NOSTRIN: variants seen among roughly 807,000 people sequenced by gnomAD.
NOSTRIN encodes nitric oxide synthase trafficking.
Under a neutral mutation model 59.0 loss-of-function variants are expected in NOSTRIN, and 63 were observed. The observed-to-expected ratio is 1.07, with a 90% CI of 0.87 to 1.32. The LOEUF (loss-of-function observed/expected upper bound fraction) is 1.32. NOSTRIN is among the 40% of genes most tolerant of loss of function. The pLI, the probability that NOSTRIN is intolerant of heterozygous loss-of-function variation, is 0.00. For synonymous variants in NOSTRIN, 200 were observed against 165.4 expected (o/e 1.21, Z -1.61); for missense variants, 512 against 473.1 (o/e 1.08, Z -0.76).
At chr2:168,845,790 C>CTTCT (rs36186706) in intron 8 of NOSTRIN, among the ~76,000 whole-genome samples, 65,863 of 140,380 alleles carry the variant, frequency 0.47, 15,910 homozygotes, top group South Asian at 0.65. Flanking sequence ...TTTTTTCTTC[C>CTTCT]TTTTTTTTTT....
Position 168,861,957 on chromosome 2 carries a change from C to T in NOSTRIN, c.1295-3C>T. 6.2e-7 allele frequency: 1 copy of T among 1,613,950 alleles called. No individual in the cohort carries two copies. On this transcript the variant is annotated splice_polypyrimidine_tract_variant and splice_region_variant and intron_variant, in intron 14 of 15. Transcript: ENST00000317647. ...ATACTAATTACAGCTTTATCTATTT[C>T]AGCCCCTGGTGCAGCCCAGCTCAGC...
At chr2:168,804,356 C>T (rs996264772) in intron 1 of NOSTRIN, among the ~76,000 whole-genome samples, 6 of 152,110 alleles carry the variant, frequency 3.9e-5, no homozygotes, top group Admixed American at 1.3e-4. Flanking sequence ...CAAAAGTATC[C>T]GGGAGTCATG....
At chr2:168,801,279 T>C (rs1445971371), upstream of NOSTRIN, 1 of 149,512 alleles carries the variant, frequency 6.7e-6, no homozygotes, top group Non-Finnish European at 1.5e-5. Context: ...TTTTTAGAAG[T>C]AGAGTCTCAC....
At chr2:168,834,528 CA>C (rs2105671983) in intron 7 of NOSTRIN, among the ~76,000 whole-genome samples, 1 of 150,962 alleles carries the variant, frequency 6.6e-6, no homozygotes, top group East Asian at 1.9e-4. Flanking sequence ...CACACACACA[CA>C]CACACACACA....
intron 15 of NOSTRIN, 54 bp downstream of exon 15, chr2:168,862,103 A>C: frequency 3.3e-6 from 5 of 1,508,976 alleles, no homozygotes; most frequent in Non-Finnish European, 4.6e-6. Context: ...GATTCTTAGC[A>C]TGAATAAAAC....
chr2:168,789,021 G>A (rs1243835125), intron 2 of NOSTRIN, among the ~76,000 whole-genome samples: 2 of 152,090 alleles, frequency 1.3e-5, no homozygotes, highest in South Asian at 4.1e-4. Context: ...AGCACCCCAG[G>A]TCTTGGTTTC....
At chr2:168,863,976 T>A (rs1005666738) in intron 15 of NOSTRIN, among the ~76,000 whole-genome samples, 1 of 152,026 alleles carries the variant, frequency 6.6e-6, no homozygotes, top group Non-Finnish European at 1.5e-5. Context: ...AGTGGTGTGA[T>A]CTTAGCTCAC....
At chr2:168,793,564 T>A (rs905804462), upstream of NOSTRIN, among the ~76,000 whole-genome samples, 1 of 152,164 alleles carries the variant, frequency 6.6e-6, no homozygotes, top group African/African-American at 2.4e-5. Flanking sequence ...TGAGCCAAGA[T>A]CGTGTCACTG....
At chr2:168,826,524 T>A (rs1271413456) in intron 3 of NOSTRIN, among the ~76,000 whole-genome samples, 1 of 152,100 alleles carries the variant, frequency 6.6e-6, no homozygotes, top group Non-Finnish European at 1.5e-5. Flanking sequence ...GTTGACCAAG[T>A]TACTTCTACT....
At chr2:168,841,296 AT>A (rs1177222419) in intron 7 of NOSTRIN, among the ~76,000 whole-genome samples, 9 of 24,522 alleles carry the variant, frequency 3.7e-4, no homozygotes, top group Admixed American at 4.0e-4. Context: ...TGCTTTAAAT[AT>A]ATATATATAA....
At chr2:168,840,547 A>C (rs981141796) in intron 7 of NOSTRIN, among the ~76,000 whole-genome samples, 22 of 145,944 alleles carry the variant, frequency 1.5e-4, no homozygotes, top group African/African-American at 3.3e-4. Context: ...AAAAAAAAAA[A>C]AAAACAAAAA....
upstream of NOSTRIN, among the ~76,000 whole-genome samples, chr2:168,798,809 C>CGATT (rs1491130814): frequency 2.9e-5 from 1 of 34,456 alleles, no homozygotes; most frequent in African/African-American, 8.6e-5. Context: ...ATCGATCGAT[C>CGATT]GATCGATAGA....
intron 1 of NOSTRIN, among the ~76,000 whole-genome samples, chr2:168,808,978 A>G (rs1393810062): frequency 6.6e-6 from 1 of 152,232 alleles, no homozygotes; most frequent in East Asian, 1.9e-4. Context: ...TAGTGAGTAC[A>G]TAATGTGTAT....
At chr2:168,838,559 C>A (rs1687872721) in intron 7 of NOSTRIN, among the ~76,000 whole-genome samples, 1 of 151,780 alleles carries the variant, frequency 6.6e-6, no homozygotes, top group African/African-American at 2.4e-5. Flanking sequence ...TCTTGAATAT[C>A]TTTGCTTTTG....
At chr2:168,837,372 C>T (rs142713206) in intron 7 of NOSTRIN, among the ~76,000 whole-genome samples, 9 of 129,502 alleles carry the variant, frequency 6.9e-5, no homozygotes, top group Non-Finnish European at 1.2e-4. Flanking sequence ...TGCAGTGGCG[C>T]GATCTCGGCT....
intron 8 of NOSTRIN, among the ~76,000 whole-genome samples, chr2:168,845,641 CCA>C (rs974423385): frequency 1.3e-5 from 2 of 152,132 alleles, no homozygotes; most frequent in Non-Finnish European, 2.9e-5. Flanking sequence ...CTCAGCATTC[CCA>C]GTGTTTATGT....
chr2:168,810,346 G>A (rs1056142875), intron 1 of NOSTRIN, among the ~76,000 whole-genome samples: 4 of 152,156 alleles, frequency 2.6e-5, no homozygotes, highest in African/African-American at 7.2e-5. Flanking sequence ...TATCCTAGGC[G>A]TTGGTTTGTT....
chr2:168,864,956 G>A lies in NOSTRIN; in HGVS notation c.1507G>A (p.Ala503Thr), dbSNP rs903710470. Residue 503 changes from alanine (A) to threonine (T), a missense_variant, in exon 16 of 16, where the codon GCT becomes ACT. Coordinates refer to ENST00000317647, the MANE Select transcript of NOSTRIN (RefSeq NM_001039724.4). ...GTTACCTTCAAATGCTGGCAACACAGCTACAAAGGCATAAAACAAGACTCT... is the reference window on the plus strand; with the variant it reads ...GTTACCTTCAAATGCTGGCAACACAACTACAAAGGCATAAAACAAGACTCT... ...EELPSNAGNTATKA is the reference protein window; with the variant it reads ...EELPSNAGNTTTKA 6.2e-7 allele frequency: 1 copy of A among 1,614,010 alleles called. No individual in the cohort carries two copies. Among genetic ancestry groups the A allele is most frequent in the South Asian group, 1.1e-5 (1 of 91,066 alleles).
At chr2:168,828,003 A>C (rs1432375177) in intron 3 of NOSTRIN, among the ~76,000 whole-genome samples, 155 bp from the exon 4 acceptor site, 1 of 152,230 alleles carries the variant, frequency 6.6e-6, no homozygotes, top group East Asian at 1.9e-4. Context: ...GTATTGGCAG[A>C]ATGTAATCTC....
Sources: allele counts gnomAD v4.1 joint callset (sites outside exome capture counted in the v4.1 genomes callset), GRCh38; gene constraint gnomAD v4.1.1; transcripts MANE v1.5; gene names NCBI Gene and HGNC (gene_info 2026-07-23, HGNC 2026-07-21).